TNKS: variants seen among roughly 807,000 people sequenced by gnomAD.
TNKS encodes poly [ADP-ribose] polymerase tankyrase-1.
TNKS carries 72 observed loss-of-function variants against 135.8 expected under a neutral mutation model. The observed-to-expected ratio is 0.53, with a 90% confidence interval of 0.44 to 0.64. The LOEUF is 0.64. Among genes scored for constraint, TNKS ranks in the 30% least tolerant of loss-of-function variants. The probability of loss-of-function intolerance (pLI) is 0.00; values close to 1 mark genes in which losing one functional copy is unlikely to be tolerated. For missense variants in TNKS, 1,769 were observed against 1,674.0 expected (o/e 1.06, Z -0.99); for synonymous variants, 849 against 649.3 (o/e 1.31, Z -4.68).
At position 9,782,093 on chromosome 8, in the gene TNKS, G is replaced by A. The variant is rs1808478891; in HGVS notation, c.*5357G>A. ...TTCTAAATCTGGCAATCCTACAGCT[G>A]TGGTCATGGGAAATCACCTACAGCA... On this transcript the variant is annotated 3_prime_UTR_variant, in exon 27 of 27. Coordinates refer to ENST00000310430, the MANE Select transcript of TNKS (RefSeq NM_003747.3). The A allele has an allele frequency of 6.6e-6, 1 of 152,406 alleles. No homozygotes were observed. The highest frequency in any genetic ancestry group is 2.1e-4 in the South Asian group (1 of 4,826). 9.4% of individuals were successfully genotyped at this position (152,406 alleles called of 1,614,324 possible).
At chr8:9,613,917 G>T (rs765998914) in intron 2 of TNKS, among the ~76,000 whole-genome samples, 11 of 152,282 alleles carry the variant, frequency 7.2e-5, no homozygotes, top group African/African-American at 2.6e-4. Context: ...GTCAAACTCA[G>T]ATAAAAATAT....
chr8:9,669,714 G>A (rs1293445282), intron 3 of TNKS, among the ~76,000 whole-genome samples: 1 of 152,016 alleles, frequency 6.6e-6, no homozygotes, highest in Admixed American at 6.6e-5. Flanking sequence ...ATAGAGAAAT[G>A]CTCATTAATT....
intron 2 of TNKS, among the ~76,000 whole-genome samples, chr8:9,582,685 G>T (rs953706953): frequency 1.1e-4 from 16 of 152,176 alleles, no homozygotes; most frequent in African/African-American, 3.9e-4. Context: ...CAGTGTTCCT[G>T]AGAGGATAAG....
intron 17 of TNKS, among the ~76,000 whole-genome samples, chr8:9,745,779 T>C (rs1033015106): frequency 6.6e-6 from 1 of 152,204 alleles, no homozygotes; most frequent in African/African-American, 2.4e-5. Flanking sequence ...AGTAGTTGGC[T>C]GATCTGTACT....
intron 5 of TNKS, among the ~76,000 whole-genome samples, chr8:9,682,732 AC>A (rs1473071873): frequency 6.6e-6 from 1 of 152,018 alleles, no homozygotes; most frequent in Non-Finnish European, 1.5e-5. Flanking sequence ...AGTGAGAAAA[AC>A]ATCTACCCTT....
chr8:9,775,394 C>T (rs1554491311), intron 26 of TNKS, among the ~76,000 whole-genome samples: 2 of 143,760 alleles, frequency 1.4e-5, no homozygotes, highest in South Asian at 2.2e-4. Flanking sequence ...AAAATAGAAA[C>T]TGTTGTTGTT....
chr8:9,705,643 G>C (rs1409961469), intron 6 of TNKS, among the ~76,000 whole-genome samples: 1 of 152,136 alleles, frequency 6.6e-6, no homozygotes, highest in African/African-American at 2.4e-5. Flanking sequence ...GTAGTATAGG[G>C]GCATAAATGC....
chr8:9,765,622 A>G, intron 23 of TNKS, 70 bp from the exon 24 acceptor site: 1 of 1,340,624 alleles, frequency 7.5e-7, no homozygotes, highest in Non-Finnish European at 1.1e-6. Flanking sequence ...TAAAAGGAAA[A>G]CATACTTTTC....
intron 2 of TNKS, among the ~76,000 whole-genome samples, chr8:9,602,878 A>G (rs954621070): frequency 2.0e-5 from 3 of 152,138 alleles, no homozygotes; most frequent in Non-Finnish European, 4.4e-5. Context: ...TATCTGTTGT[A>G]TATTTTATAC....
chr8:9,610,954 G>A (rs1036948183), intron 2 of TNKS, among the ~76,000 whole-genome samples: 1 of 152,176 alleles, frequency 6.6e-6, no homozygotes, highest in African/African-American at 2.4e-5. Context: ...TGCTTAACTT[G>A]AATAGTTTTA....
intron 26 of TNKS, among the ~76,000 whole-genome samples, chr8:9,771,678 G>GGAGA (rs372358789): frequency 5.3e-5 from 6 of 113,082 alleles, no homozygotes; most frequent in African/African-American, 1.1e-4. Flanking sequence ...AGGAAGGGAG[G>GGAGA]GAGAGAGAGA....
At chr8:9,643,422 T>G in intron 3 of TNKS, among the ~76,000 whole-genome samples, 1 of 116,898 alleles carries the variant, frequency 8.6e-6, no homozygotes, top group Non-Finnish European at 1.8e-5. Flanking sequence ...ACTATCGTGA[T>G]AACTAAATGG....
At chr8:9,665,769 C>T (rs909133032) in intron 3 of TNKS, among the ~76,000 whole-genome samples, 2 of 152,116 alleles carry the variant, frequency 1.3e-5, no homozygotes, top group South Asian at 2.1e-4. Flanking sequence ...CATGAATTCA[C>T]TCTCGTGAAT....
At chr8:9,677,269 G>A (rs765418442) in intron 3 of TNKS, among the ~76,000 whole-genome samples, 1 of 152,194 alleles carries the variant, frequency 6.6e-6, no homozygotes, top group African/African-American at 2.4e-5. Context: ...GTCTGACTCT[G>A]TTGGATGCAC....
intron 1 of TNKS, chr8:9,558,067 A>C (rs990037109): frequency 1.2e-4 from 18 of 152,172 alleles, no homozygotes; most frequent in Admixed American, 1.2e-3. Context: ...CATGTTTTTT[A>C]TTGTAGCCCA....
chr8:9,573,667 C>A (rs139540752), intron 1 of TNKS, among the ~76,000 whole-genome samples: 1 of 152,040 alleles, frequency 6.6e-6, no homozygotes, highest in South Asian at 2.1e-4. Flanking sequence ...GATCTTTTTA[C>A]GCTTAAAAAG....
intron 3 of TNKS, among the ~76,000 whole-genome samples, chr8:9,633,982 T>C (rs1264053912): frequency 6.6e-6 from 1 of 152,030 alleles, no homozygotes; most frequent in Non-Finnish European, 1.5e-5. Context: ...TGAAATAACA[T>C]TCATTCTTTT....
intron 7 of TNKS, 90 bp downstream of exon 7, chr8:9,706,343 G>A (rs1804044844): frequency 9.8e-7 from 1 of 1,025,218 alleles, no homozygotes; most frequent in African/African-American, 1.7e-5. Context: ...CCTCATGAAA[G>A]TTTGTTTAGT....
chr8:9,597,617 A>G (rs1049609308), intron 2 of TNKS, among the ~76,000 whole-genome samples: 3 of 152,216 alleles, frequency 2.0e-5, no homozygotes, highest in Non-Finnish European at 4.4e-5. Context: ...TTCCCCACAA[A>G]TATTTCAATA....
Sources: gnomAD v4.1 joint callset for allele counts (sites outside exome capture counted in the v4.1 genomes callset) on GRCh38, gnomAD v4.1.1 for gene constraint, MANE v1.5 for transcripts, NCBI Gene and HGNC (gene_info 2026-07-23, HGNC 2026-07-21) for gene names.